The following PCDHGA9 variants were observed in gnomAD, a reference collection of about 807,000 sequenced individuals.
PCDHGA9 encodes the protein protocadherin gamma-A9.
In PCDHGA9, 37 loss-of-function variants were observed where a neutral mutation model predicts 62.5. That is an observed-to-expected ratio of 0.59 (90% CI 0.46 to 0.78). PCDHGA9 has a LOEUF of 0.78. PCDHGA9 is among the 30% of genes least tolerant of loss of function. The pLI is 0.00. For synonymous variants in PCDHGA9, 459 were observed against 484.6 expected (o/e 0.95, Z 0.69); for missense variants, 1,138 against 1,166.2 (o/e 0.98, Z 0.35).
intron 3 of PCDHGA9, among the ~76,000 whole-genome samples, chr5:141,509,700 TGGA>T (rs1407159498): frequency 6.6e-6 from 1 of 152,192 alleles, no homozygotes; most frequent in East Asian, 1.9e-4. Flanking sequence ...GACGTTGGAC[TGGA>T]GGTGCTGTCT....
intron 1 of PCDHGA9, among the ~76,000 whole-genome samples, chr5:141,461,985 G>C (rs894777268): frequency 2.6e-5 from 4 of 152,170 alleles, no homozygotes; most frequent in Non-Finnish European, 5.9e-5. Flanking sequence ...CACCACGCCA[G>C]GCTAATTTTG....
intron 1 of PCDHGA9, chr5:141,430,826 C>A: frequency 6.4e-7 from 1 of 1,550,416 alleles, no homozygotes; most frequent in Non-Finnish European, 8.7e-7. Flanking sequence ...CCTGGGGACT[C>A]TGTGGGAGAC....
chr5:141,458,674 A>G (rs1315462699), intron 1 of PCDHGA9, among the ~76,000 whole-genome samples: 1 of 152,104 alleles, frequency 6.6e-6, no homozygotes, highest in East Asian at 1.9e-4. Flanking sequence ...GGTTCAAGCA[A>G]TTCTACTGCC....
chr5:141,502,577 A>G (rs1260539435), intron 2 of PCDHGA9, among the ~76,000 whole-genome samples: 2 of 152,192 alleles, frequency 1.3e-5, no homozygotes, highest in African/African-American at 4.8e-5. Context: ...TTATAAAAAT[A>G]TATTTTTATA....
chr5:141,408,636 C>T (rs1236637669), intron 1 of PCDHGA9: 2 of 1,614,024 alleles, frequency 1.2e-6, no homozygotes. Flanking sequence ...ATTTTCGAAT[C>T]TGCATCCGCT....
intron 1 of PCDHGA9, among the ~76,000 whole-genome samples, chr5:141,481,676 G>A (rs975849679): frequency 3.3e-5 from 5 of 152,028 alleles, no homozygotes; most frequent in Admixed American, 1.3e-4. Flanking sequence ...AAATCAGGCC[G>A]GGCCTGGTGG....
At position 141,432,579 on chromosome 5, in the gene PCDHGA9, G is replaced by A. The variant is rs769224543; in HGVS notation, c.2424+27203G>A. 6.2e-7 allele frequency: 1 copy of A among 1,613,860 alleles called. No homozygotes were observed. Among genetic ancestry groups the A allele is most frequent in the Non-Finnish European group, 8.5e-7 (1 of 1,179,984 alleles). On this transcript the variant is annotated intron_variant, in intron 1 of 3. Transcript: ENST00000573521. The surrounding 1 kb of genome is among the most constrained non-coding windows in gnomAD (Gnocchi z 6.0). ...GGCCAGAACGCCTGGCTGTCCTACC[G>A]TCTGCTCAAGGCCAGCGAGCCGGGA...
chr5:141,425,528 C>CA (rs890632943), intron 1 of PCDHGA9, among the ~76,000 whole-genome samples: 1 of 152,200 alleles, frequency 6.6e-6, no homozygotes, highest in African/African-American at 2.4e-5. Context: ...AAACATGAAA[C>CA]AATAATCCTT....
rs2099396190 is a variant in PCDHGA9 at position 141,476,685 on chromosome 5, G to A, written c.2425-18122G>A. On this transcript the variant is annotated intron_variant, in intron 1 of 3. Coordinates refer to ENST00000573521, the MANE Select transcript of PCDHGA9 (RefSeq NM_018921.3). This position sits in a 1 kb window ranked among gnomAD's most constrained non-coding sequence, Gnocchi z 7.6. ...CTTCGCGTGCAGACGCGGGAGGACA[G>A]CACCAAGTACGCGGAGCTGGTGTTG... 3.1e-6 allele frequency: 5 copies of A among 1,614,102 alleles called. No homozygotes were observed.
At chr5:141,407,602 G>A (rs1395597779) in intron 1 of PCDHGA9, among the ~76,000 whole-genome samples, 2 of 152,064 alleles carry the variant, frequency 1.3e-5, no homozygotes, top group Non-Finnish European at 2.9e-5. Context: ...ATCTTAAAAA[G>A]AAGCATTGGT....
chr5:141,409,251 CTT>C (rs771889477), intron 1 of PCDHGA9: 78 of 1,613,922 alleles, frequency 4.8e-5, no homozygotes, highest in Non-Finnish European at 6.2e-5. Context: ...ATAATCATCA[CTT>C]CTCTCTCTGA....
intron 1 of PCDHGA9, among the ~76,000 whole-genome samples, chr5:141,452,664 T>C (rs557662640): frequency 6.6e-6 from 1 of 151,058 alleles, no homozygotes; most frequent in South Asian, 2.1e-4. Context: ...TCCACTGCAC[T>C]CCAGCCTAGG....
At chr5:141,483,186 A>G (rs2099578047) in intron 1 of PCDHGA9, among the ~76,000 whole-genome samples, 1 of 152,174 alleles carries the variant, frequency 6.6e-6, no homozygotes, top group Non-Finnish European at 1.5e-5. Flanking sequence ...CAAGCCAAGG[A>G]GTTTTTATTT....
At chr5:141,450,815 A>ATTAT (rs1554136868) in intron 1 of PCDHGA9, among the ~76,000 whole-genome samples, 98 of 126,742 alleles carry the variant, frequency 7.7e-4, no homozygotes, top group African/African-American at 3.1e-3. Flanking sequence ...TATTTATTTA[A>ATTAT]TATTATTATT....
At chr5:141,497,129 T>G (rs528066007) in intron 2 of PCDHGA9, among the ~76,000 whole-genome samples, 1 of 151,692 alleles carries the variant, frequency 6.6e-6, no homozygotes, top group Admixed American at 6.6e-5. Flanking sequence ...GAGGTTGCAG[T>G]GAGCTGAGAT....
intron 1 of PCDHGA9, chr5:141,415,955 G>A: frequency 8.5e-6 from 4 of 472,662 alleles, no homozygotes; most frequent in Non-Finnish European, 1.3e-5. Context: ...GTCACATATT[G>A]AAACTCCAGC....
intron 1 of PCDHGA9, among the ~76,000 whole-genome samples, chr5:141,433,974 C>A (rs1045247496): frequency 6.6e-6 from 1 of 152,026 alleles, no homozygotes; most frequent in Non-Finnish European, 1.5e-5. Context: ...GGCTTTCTAC[C>A]TTGAAGAAGA....
At position 141,438,243 on chromosome 5, in the gene PCDHGA9, A is replaced by C. The variant is rs1445738408; in HGVS notation, c.2424+32867A>C. ...TGGTTCAGGAAAATGTTTTTAAAAA[A>C]CTGTCATTGAAGAGACCATAGAATC... On this transcript the variant is annotated intron_variant, in intron 1 of 3. Coordinates refer to ENST00000573521, the MANE Select transcript of PCDHGA9 (RefSeq NM_018921.3). Among the ~76,000 whole-genome samples, 3 of 152,250 alleles carry C rather than the reference A, an allele frequency of 2.0e-5. No individual in the cohort carries two copies. In the East Asian group the frequency reaches 5.8e-4, roughly 29 times the overall value.
At position 141,476,901 on chromosome 5, in the gene PCDHGA9, G is replaced by C; in HGVS notation, c.2425-17906G>C. On this transcript the variant is annotated intron_variant, in intron 1 of 3. Coordinates refer to ENST00000573521, the MANE Select transcript of PCDHGA9 (RefSeq NM_018921.3). The surrounding 1 kb of genome is among the most constrained non-coding windows in gnomAD (Gnocchi z 7.6). ...CTGGAGGATGCACCCTCCGGCACGC[G>C]CGTGGTACAAGTCCTTGCAACGGAT... The C allele has an allele frequency of 1.2e-6, 2 of 1,613,900 alleles. No homozygotes were observed. Among genetic ancestry groups the C allele is most frequent in the Non-Finnish European group, 1.7e-6 (2 of 1,180,034 alleles).
Sources: gnomAD v4.1 joint callset for allele counts (sites outside exome capture counted in the v4.1 genomes callset) on GRCh38, gnomAD v4.1.1 for gene constraint, Gnocchi (gnomAD v3.1) non-coding constraint, MANE v1.5 for transcripts, NCBI Gene and HGNC (gene_info 2026-07-23, HGNC 2026-07-21) for gene names.